The following TTN variants were observed in gnomAD, a reference collection of about 807,000 sequenced individuals.
TTN encodes connectin.
Under a neutral mutation model 3,223.0 loss-of-function variants are expected in TTN, and 1,525 were observed. The ratio of observed to expected loss-of-function variants is 0.47; its 90% confidence interval spans 0.45 to 0.49. The LOEUF is 0.49. Ranked by LOEUF, TTN falls within the 20% of genes least tolerant of loss-of-function variation. The pLI is 0.00. For synonymous variants in TTN, 14,094 were observed against 15,161.0 expected (o/e 0.93, Z 5.17); for missense variants, 40,786 against 43,424.0 (o/e 0.94, Z 5.40).
Position 178,729,024 on chromosome 2 carries a change from G to T in TTN, c.19014C>A (p.Val6338=). 1 of 1,612,900 alleles carries T rather than the reference G, an allele frequency of 6.2e-7. No homozygotes were observed. The highest frequency in any genetic ancestry group is 8.5e-7 in the Non-Finnish European group (1 of 1,179,460). Residue 6338 remains valine, a synonymous_variant, in exon 65 of 363, where the codon GTC becomes GTA. Coordinates refer to ENST00000589042, the MANE Select transcript of TTN (RefSeq NM_001267550.2). Reference sequence around the variant, plus strand: ...CCACACTGTCCACAAATGAAATATAGACATTATCATCTTCATCAAGAATCT... The same window carrying T: ...CCACACTGTCCACAAATGAAATATATACATTATCATCTTCATCAAGAATCT... ...DDQILDEDDN[V]YISFVDSVAT...
At chr2:178,615,571 C>T in intron 258 of TTN, 70 bp downstream of exon 258, 1 of 1,609,876 alleles carries the variant, frequency 6.2e-7, no homozygotes, top group East Asian at 2.2e-5. Context: ...TGCCCCATAA[C>T]TTCAACTCTA....
At position 178,592,967 on chromosome 2, in the gene TTN, C is replaced by T; in HGVS notation, c.59152G>A (p.Glu19718Lys). 1 of 1,613,488 alleles carries T rather than the reference C, an allele frequency of 6.2e-7. No homozygotes were observed. The highest frequency in any genetic ancestry group is 8.5e-7 in the Non-Finnish European group (1 of 1,179,598). The stretch of plus-strand genomic sequence containing the variant: ...TCTTCATCTCCAACTTTCTGGTACT[C>T]AACAATATAACCCAGAATCTTGCTC... ...GGSKILGYIV[E>K]YQKVGDEEWR... The change falls in exon 300 of 363, where the codon GAG becomes AAG. Residue 19718 changes from glutamate (E) to lysine (K), a missense_variant. By Grantham distance (56) the Glu-to-Lys change is moderately conservative. Transcript: ENST00000589042.
chr2:178,541,603 TA>T lies in TTN; in HGVS notation c.97493-20del. 6.3e-7 allele frequency: 1 copy of T among 1,588,148 alleles called. No homozygotes were observed. The stretch of plus-strand genomic sequence containing the variant: ...GGAATACCTGCAGCAAGACAGAGGT[TA>T]ACACGATATGGCAATATGAATACGT... On this transcript the variant is annotated intron_variant, in intron 349 of 362. Transcript: ENST00000589042.
rs1457005566 is a variant in TTN, at chr2:178,774,473, C to A, written c.6791G>T (p.Gly2264Val). Residue 2264 changes from glycine to valine, a missense_variant and splice_region_variant, in exon 30 of 363, where the codon GGT becomes GTT. By Grantham distance (109) the Gly-to-Val change is moderately radical. Transcript: ENST00000589042. The stretch of plus-strand genomic sequence containing the variant: ...TTCTTTCACAAACTCAACAACTGCA[C>A]CTGAAGTGTATAACAGAAAGATAAA... The part of the protein sequence containing the change: ...VKTTAKLIVE[G>V]AVVEFVKELQ... 1.2e-6 allele frequency: 2 copies of A among 1,611,980 alleles called. No individual in the cohort carries two copies. The highest frequency in any genetic ancestry group is 1.7e-6 in the Non-Finnish European group (2 of 1,179,848).
chr2:178,589,105 C>A lies in TTN; in HGVS notation c.62620G>T (p.Val20874Phe). The A allele has an allele frequency of 6.2e-7, 1 of 1,611,356 alleles. No individual in the cohort carries two copies. The highest frequency in any genetic ancestry group is 8.5e-7 in the Non-Finnish European group (1 of 1,179,590). ...GTACACCTATCACTGGACACATCAA[C>A]AATTTTCAGATTTCTCACAGGACCA... ...KPGPVRNLKI[V>F]DVSSDRCTVC... Residue 20874 changes from valine (V) to phenylalanine (F), a missense_variant, in exon 304 of 363, where the codon GTT becomes TTT. By Grantham distance (50) the Val-to-Phe change is conservative (BLOSUM62 -1). Coordinates refer to ENST00000589042, the MANE Select transcript of TTN (RefSeq NM_001267550.2).
rs727504210 is a variant in TTN at position 178,782,261 on chromosome 2, G to A, written c.3331C>T (p.Pro1111Ser). ...CCAGATTTTTTCCAGTATACATGGG[G>A]CTTTGGGTTGCCGCCAACTTGGCAT... ...FGCQVGGNPK[P>S]HVYWKKSGVP... is the part of the protein sequence containing the mutation. The change falls in exon 20 of 363, where the codon CCC becomes TCC. Residue 1111 changes from proline (P) to serine (S), a missense_variant. Coordinates refer to ENST00000589042, the MANE Select transcript of TTN (RefSeq NM_001267550.2). 6.8e-6 allele frequency: 11 copies of A among 1,614,066 alleles called. No individual in the cohort carries two copies. Among genetic ancestry groups the A allele is most frequent in the Non-Finnish European group, 9.3e-6 (11 of 1,179,998 alleles).
In TTN at chr2:178,538,926, C is replaced by T; in HGVS notation, c.98989+20G>A. ...CATGGCTTGCTTCTTTAATTTAACC[C>T]CTTCTTCTGAATTCCTTACCAAATG... is the stretch of plus-strand genomic sequence containing the variant. On this transcript the variant is annotated intron_variant, in intron 353 of 362. Transcript: ENST00000589042. 6.3e-7 allele frequency: 1 copy of T among 1,593,642 alleles called. No individual in the cohort carries two copies. Among genetic ancestry groups the T allele is most frequent in the African/African-American group, 1.3e-5 (1 of 74,548 alleles).
rs371788070 is a variant in TTN, at chr2:178,562,851, C to G, written c.83281G>C (p.Val27761Leu). 214 of 1,612,754 alleles carry G rather than the reference C, an allele frequency of 1.3e-4. No homozygotes were observed. Among genetic ancestry groups the G allele is most frequent in the Non-Finnish European group, 1.7e-4 (204 of 1,179,448 alleles). Residue 27761 changes from valine to leucine, a missense_variant, in exon 326 of 363, where the codon GTC (valine) becomes CTC (leucine). Coordinates refer to ENST00000589042, the MANE Select transcript of TTN (RefSeq NM_001267550.2). ...GCACTTGGTGAGTCAAGAACTCTGA[C>G]GTTAACAAAAGCTGTTTTGGAGCCA... ...NSGSKTAFVN[V>L]RVLDSPSAPV...
At chr2:178,726,556 T>C (rs2079372846) in intron 69 of TTN, 1 of 149,674 alleles carries the variant, frequency 6.7e-6, no homozygotes, top group Admixed American at 6.7e-5. Flanking sequence ...CACTGGAAAA[T>C]TGCAGCAAAA....
intron 168 of TTN, 75 bp from the exon 169 acceptor site, chr2:178,664,173 C>A: frequency 7.1e-7 from 1 of 1,406,448 alleles, no homozygotes; most frequent in Non-Finnish European, 9.7e-7. Context: ...TTTTCAAGAA[C>A]AAAAGAGCTA....
Position 178,573,159 on chromosome 2 carries a change from C to G in TTN, c.72973G>C (p.Gly24325Arg), listed in dbSNP as rs755886285. 5.0e-6 allele frequency: 8 copies of G among 1,612,580 alleles called. No homozygotes were observed. In the African/African-American group the frequency reaches 1.1e-4, roughly 22 times the overall value. ...AGAACACGTGGGTTACCTGGTGGTC[C>G]AGGTTTAAACACAGTGTCACAAGCC... ...YKACDTVFKP[G>R]PPGNPRVLDT... is the part of the protein sequence containing the mutation. Residue 24325 changes from glycine (G) to arginine (R), a missense_variant, in exon 326 of 363, where the codon GGA becomes CGA. Gly to Arg is a moderately radical substitution (Grantham distance 125). Transcript: ENST00000589042.
chr2:178,545,325 G>T, intron 344 of TTN, 63 bp downstream of exon 344: 1 of 1,422,226 alleles, frequency 7.0e-7, no homozygotes, highest in Non-Finnish European at 9.3e-7. Flanking sequence ...ATTGTGTGTT[G>T]GAAAATTATC....
In TTN at chr2:178,575,369, A is replaced by G; in HGVS notation, c.70763T>C (p.Leu23588Ser). The G allele has an allele frequency of 4.3e-6, 7 of 1,613,572 alleles. No homozygotes were observed. Among genetic ancestry groups the G allele is most frequent in the Non-Finnish European group, 5.1e-6 (6 of 1,179,660 alleles). ...AGTTAGATTCCTCACAACACATTCTAACCCTTTCACGGTTGTGATGTGGGT... is the reference window on the plus strand; with the variant it reads ...AGTTAGATTCCTCACAACACATTCTGACCCTTTCACGGTTGTGATGTGGGT... Reference protein sequence around the residue: ...QWTHITTVKGLECVVRNLTEG... With the variant: ...QWTHITTVKGSECVVRNLTEG... Residue 23588 changes from leucine (L) to serine (S), a missense_variant, in exon 326 of 363, where the codon TTA becomes TCA. Coordinates refer to ENST00000589042, the MANE Select transcript of TTN (RefSeq NM_001267550.2). The surrounding 1 kb of genome is among the most constrained non-coding windows in gnomAD (Gnocchi z 4.0).
chr2:178,663,616 G>T lies in TTN; in HGVS notation c.36532+11C>A, dbSNP rs768495522. The T allele has an allele frequency of 2.6e-5, 42 of 1,613,558 alleles. No individual in the cohort carries two copies. Among genetic ancestry groups the T allele is most frequent in the Admixed American group, 3.3e-5 (2 of 59,934 alleles). On this transcript the variant is annotated intron_variant, in intron 171 of 362. Transcript: ENST00000589042. ...ATACATCATCTGAAGCCTAAAATCAGTGACAAATACCTTTAACAGGTGGGA... is the reference window on the plus strand; with the variant it reads ...ATACATCATCTGAAGCCTAAAATCATTGACAAATACCTTTAACAGGTGGGA...
intron 43 of TTN, 50 bp downstream of exon 43, chr2:178,764,127 T>C (rs1561156983): frequency 2.5e-6 from 4 of 1,613,114 alleles, no homozygotes; most frequent in East Asian, 2.2e-5. Flanking sequence ...GTTTTTCCCA[T>C]GTAATTATTT....
rs2068586336 is a variant in TTN at position 178,678,416 on chromosome 2, T to C, written c.33908A>G (p.Lys11303Arg). 1 of 1,584,056 alleles carries C rather than the reference T, an allele frequency of 6.3e-7. No homozygotes were observed. The highest frequency in any genetic ancestry group is 1.3e-5 in the African/African-American group (1 of 74,134). ...APKKVEAPPA[K>R]VPEVPKKLIP... ...CTCTAAGTGATGAAATTATGTACCT[T>C]TTGCAGGTGGAGCCTCCACTTTCTT... Residue 11303 changes from lysine to arginine, a missense_variant and splice_region_variant, in exon 144 of 363, where the codon AAA (lysine) becomes AGA (arginine). Lys to Arg is a conservative substitution (Grantham distance 26). Transcript: ENST00000589042.
chr2:178,794,836 T>C (rs1404247479), intron 7 of TTN, 86 bp downstream of exon 7: 3 of 1,547,310 alleles, frequency 1.9e-6, no homozygotes, highest in African/African-American at 2.7e-5. Context: ...TTTCCTCCAA[T>C]TTATACAGAC....
intron 33 of TTN, among the ~76,000 whole-genome samples, chr2:178,771,865 C>T (rs767726777): frequency 6.6e-5 from 10 of 152,094 alleles, no homozygotes; most frequent in Non-Finnish European, 8.8e-5. Flanking sequence ...ACAAAATGTA[C>T]GAGTCATCAA....
rs371581072 is a variant in TTN, at chr2:178,584,458, C to A, written c.65093G>T (p.Arg21698Leu). 1.2e-4 allele frequency: 186 copies of A among 1,613,138 alleles called. No individual in the cohort carries two copies. Among genetic ancestry groups the A allele is most frequent in the Non-Finnish European group, 1.5e-4 (174 of 1,179,526 alleles). Residue 21698 changes from arginine to leucine, a missense_variant, in exon 311 of 363, where the codon CGC becomes CTC. Physicochemically the swap from Arg to Leu is moderately radical, Grantham distance 102. Transcript: ENST00000589042. ...GSPIIGYLIE[R>L]KERNSLLWVK... is the part of the protein sequence containing the mutation. ...CCACAGCAAACTGTTTCTTTCCTTG[C>A]GTTCAATCAGATAACCAATAATGGG...
Sources: allele counts gnomAD v4.1 joint callset (sites outside exome capture counted in the v4.1 genomes callset), GRCh38; gene constraint gnomAD v4.1.1; non-coding constraint Gnocchi (gnomAD v3.1); transcripts MANE v1.5; gene names NCBI Gene and HGNC (gene_info 2026-07-23, HGNC 2026-07-21).